Variants in FANCD2OS observed in about 807,000 individuals in gnomAD.
The protein encoded by FANCD2OS is FANCD2 opposite strand, also known as FANCD2 opposite strand protein.
Under a neutral mutation model 13.2 loss-of-function variants are expected in FANCD2OS, and 11 were observed. That is an observed-to-expected ratio of 0.83 (90% CI 0.52 to 1.38). The LOEUF (loss-of-function observed/expected upper bound fraction) is 1.38. Among genes scored for constraint, FANCD2OS ranks in the 40% most tolerant of loss-of-function variants. The pLI is 0.00. For missense variants in FANCD2OS, 217 were observed against 213.9 expected (o/e 1.01, Z -0.09); for synonymous variants, 69 against 84.5 (o/e 0.82, Z 1.01).
At chr3:10,094,581 G>C (rs535413851) in intron 2 of FANCD2OS, among the ~76,000 whole-genome samples, 1 of 152,210 alleles carries the variant, frequency 6.6e-6, no homozygotes, top group East Asian at 1.9e-4. Context: ...TTCTTCTCCA[G>C]ATCTGACAGT....
At position 10,105,763 on chromosome 3, in the gene FANCD2OS, AAAAAAAAATTATATATAT is replaced by A. The variant is rs1414903712; in HGVS notation, c.-8-999_-8-982del. Among the ~76,000 whole-genome samples the A allele has an allele frequency of 9.9e-4, 71 of 71,624 alleles. 4 individuals carry two copies. Among genetic ancestry groups the A allele is most frequent in the African/African-American group, 5.9e-3 (57 of 9,684 alleles). The allele number at this position is 71,624 out of a possible 152,430, so 47.0% of individuals were successfully genotyped here. ...AAGACTCCATCTAAAAAAAAAAAAA[AAAAAAAAATTATATATAT>A]ATATATATATATATATATATATATA... On this transcript the variant is annotated intron_variant, in intron 1 of 1. Coordinates refer to ENST00000450660, the MANE Select transcript of FANCD2OS (RefSeq NM_001164839.2).
chr3:10,081,677 G>A lies in FANCD2OS; in HGVS notation c.*44-146C>T, dbSNP rs984462139. 6 of 591,786 alleles carry A rather than the reference G, an allele frequency of 1.0e-5. No homozygotes were observed. The African/African-American group carries it at 1.1e-4, about 11-fold the overall frequency. 36.7% of individuals were successfully genotyped at this position (591,786 alleles called of 1,614,324 possible). On this transcript the variant is annotated intron_variant, in intron 2 of 2. Coordinates refer to the FANCD2OS transcript ENST00000524279. ...AGCCACTATGTTAACCCATTTGACA[G>A]ATTAGGTGACTTGCTGATGAGCTGA...
downstream of FANCD2OS, chr3:10,101,408 C>T (rs113512106): frequency 6.9e-5 from 38 of 553,948 alleles, 3 homozygotes; most frequent in Middle Eastern, 7.0e-4. Flanking sequence ...TTTTTAAAGA[C>T]GGGGACTCGC....
chr3:10,101,206 GT>G (rs753084670), downstream of FANCD2OS: 6 of 1,613,276 alleles, frequency 3.7e-6, no homozygotes, highest in African/African-American at 1.3e-5. Context: ...AGAAGACGAA[GT>G]AAGTGCTGGA....
chr3:10,104,908 C>A (rs188256668), intron 1 of FANCD2OS, 126 bp from the exon 2 acceptor site: 14 of 651,768 alleles, frequency 2.1e-5, no homozygotes, highest in Middle Eastern at 4.5e-4. Context: ...TGAATAGATT[C>A]CAACAGGTGT....
chr3:10,104,609 T>G lies in FANCD2OS; in HGVS notation c.166A>C (p.Thr56Pro), dbSNP rs968321629. ...AGGAATGGGCTGTCTAGGACTAGAG[T>G]GACCTCTTGAAAGCACAGCTGCACT... The part of the protein sequence containing the change: ...LEVQLCFQEV[T>P]LVLDSPFLES... The change falls in exon 2 of 2, where the codon ACT becomes CCT. Residue 56 changes from threonine to proline, a missense_variant. By Grantham distance (38) the Thr-to-Pro change is conservative. Coordinates refer to ENST00000450660, the MANE Select transcript of FANCD2OS (RefSeq NM_001164839.2). 1 of 1,613,986 alleles carries G rather than the reference T, an allele frequency of 6.2e-7. No homozygotes were observed. Among genetic ancestry groups the G allele is most frequent in the African/African-American group, 1.3e-5 (1 of 74,880 alleles).
intron 2 of FANCD2OS, among the ~76,000 whole-genome samples, chr3:10,093,583 G>T (rs916914127): frequency 6.6e-6 from 1 of 152,220 alleles, no homozygotes; most frequent in Non-Finnish European, 1.5e-5. Flanking sequence ...GAGTTTAGGA[G>T]CAGTAGTTAC....
At chr3:10,091,085 T>C (rs1694579304) in intron 2 of FANCD2OS, among the ~76,000 whole-genome samples, 1 of 151,462 alleles carries the variant, frequency 6.6e-6, no homozygotes, top group Admixed American at 6.6e-5. Context: ...GTTTTTTCTT[T>C]TTTTTTTCTT....
intron 1 of FANCD2OS, among the ~76,000 whole-genome samples, 184 bp downstream of exon 1, chr3:10,107,831 G>A (rs957741395): frequency 6.6e-6 from 1 of 151,952 alleles, no homozygotes. Context: ...TTTAAAGATG[G>A]TTCACCCCAT....
chr3:10,095,537 G>A (rs1356518267), intron 2 of FANCD2OS, among the ~76,000 whole-genome samples: 1 of 152,180 alleles, frequency 6.6e-6, no homozygotes, highest in Non-Finnish European at 1.5e-5. Flanking sequence ...TAGAATGCTG[G>A]TATATGTTTA....
At chr3:10,097,519 G>T (rs943977335) in intron 2 of FANCD2OS, among the ~76,000 whole-genome samples, 2 of 152,202 alleles carry the variant, frequency 1.3e-5, no homozygotes, top group Non-Finnish European at 2.9e-5. Flanking sequence ...AGAGAAACAT[G>T]GTTCTGTTCC....
chr3:10,102,967 G>A (rs982333121), downstream of FANCD2OS: 3 of 273,744 alleles, frequency 1.1e-5, no homozygotes, highest in Non-Finnish European at 1.5e-5. Context: ...TTACAAGAAC[G>A]CTACAAAGGC....
At chr3:10,092,465 C>T (rs1400768673) in intron 2 of FANCD2OS, among the ~76,000 whole-genome samples, 3 of 151,122 alleles carry the variant, frequency 2.0e-5, no homozygotes, top group East Asian at 1.9e-4. Flanking sequence ...CTTCCTCCTA[C>T]TTATGCCACA....
chr3:10,106,888 G>A (rs1695508784), intron 1 of FANCD2OS, among the ~76,000 whole-genome samples: 2 of 152,226 alleles, frequency 1.3e-5, no homozygotes, highest in Admixed American at 1.3e-4. Context: ...TTGGGTGACA[G>A]AGGGAGACTC....
At chr3:10,090,720 A>G (rs1341295463) in intron 2 of FANCD2OS, among the ~76,000 whole-genome samples, 5 of 152,170 alleles carry the variant, frequency 3.3e-5, no homozygotes, top group Admixed American at 6.5e-5. Flanking sequence ...GGCCTCCCAA[A>G]GTGCTGAGAT....
chr3:10,107,346 G>C (rs2125112634), intron 1 of FANCD2OS, among the ~76,000 whole-genome samples: 1 of 151,704 alleles, frequency 6.6e-6, no homozygotes, highest in Non-Finnish European at 1.5e-5. Flanking sequence ...GGAGTGCAGT[G>C]GCGCGATCTC....
At chr3:10,095,649 G>A (rs1373518708) in intron 2 of FANCD2OS, among the ~76,000 whole-genome samples, 2 of 152,192 alleles carry the variant, frequency 1.3e-5, no homozygotes, top group African/African-American at 2.4e-5. Context: ...GCTTTCATCT[G>A]TGCCACTTAC....
intron 2 of FANCD2OS, chr3:10,095,290 G>T (rs1440944296): frequency 6.2e-7 from 1 of 1,610,588 alleles, no homozygotes; most frequent in Non-Finnish European, 8.5e-7. Flanking sequence ...AAGGGGAGCA[G>T]GTTCTATCAG....
downstream of FANCD2OS, among the ~76,000 whole-genome samples, chr3:10,102,560 C>T (rs1200101402): frequency 2.6e-5 from 4 of 151,576 alleles, no homozygotes; most frequent in Non-Finnish European, 5.9e-5. Context: ...CGCGGTGGCT[C>T]GCGCCTGTAA....
Sources: allele counts gnomAD v4.1 joint callset (sites outside exome capture counted in the v4.1 genomes callset), GRCh38; gene constraint gnomAD v4.1.1; transcripts MANE v1.5; gene names NCBI Gene and HGNC (gene_info 2026-07-23, HGNC 2026-07-21).